The following ARHGAP6 variants were observed in gnomAD, a reference collection of about 807,000 sequenced individuals.
ARHGAP6 encodes rho GTPase-activating protein 6.
ARHGAP6 carries 16 observed loss-of-function variants against 55.7 expected under a neutral mutation model. The observed-to-expected ratio is 0.29, with a 90% CI of 0.19 to 0.44. ARHGAP6 has a LOEUF of 0.44. Ranked by LOEUF, ARHGAP6 falls within the 20% of genes least tolerant of loss-of-function variation. The pLI, the probability that ARHGAP6 is intolerant of heterozygous loss-of-function variation, is 1.00. For missense variants in ARHGAP6, 698 were observed against 808.9 expected (o/e 0.86, Z 1.66); for synonymous variants, 382 against 360.9 (o/e 1.06, Z -0.66).
chrX:11,332,294 C>T (rs1603087678), intron 1 of ARHGAP6, among the ~76,000 whole-genome samples: 1 of 111,981 alleles, frequency 8.9e-6, no homozygotes, highest in East Asian at 2.8e-4. Context: ...GTCTGGCTTG[C>T]TCTGGTATTT....
chrX:11,186,208 AG>A, intron 5 of ARHGAP6, 27 bp downstream of exon 5: 1 of 1,171,974 alleles, frequency 8.5e-7, no homozygotes, highest in Non-Finnish European at 1.2e-6. Flanking sequence ...GAAAGTCCTT[AG>A]TACTTTAGAC....
At chrX:11,224,706 CT>C (rs1343077492) in intron 2 of ARHGAP6, among the ~76,000 whole-genome samples, 10 of 109,878 alleles carry the variant, frequency 9.1e-5, no homozygotes, top group African/African-American at 2.3e-4. Context: ...TCAGCTGGGA[CT>C]GAGTTACCGG....
At chrX:11,304,777 C>CT (rs953912280) in intron 1 of ARHGAP6, among the ~76,000 whole-genome samples, 957 of 50,249 alleles carry the variant, frequency 0.019, 230 homozygotes, top group African/African-American at 0.06. Flanking sequence ...CTTTCTTTTA[C>CT]TTTTTTTTTT....
rs753190565 is a variant in ARHGAP6 at position 11,257,630 on chromosome X, T to A, written c.589-2923A>T. Among the ~76,000 whole-genome samples the A allele has an allele frequency of 4.5e-5, 5 of 112,241 alleles. No homozygotes were observed. The South Asian group carries it at 1.9e-3, about 42-fold the overall frequency. ...TCCTGGTTAATTAATTCAAACAATA[T>A]TTAATAAGCACAGATGAGATGCTAA... On this transcript the variant is annotated intron_variant, in intron 1 of 12. Transcript: ENST00000337414.
intron 1 of ARHGAP6, among the ~76,000 whole-genome samples, chrX:11,615,075 G>A (rs2052147540): frequency 9.0e-6 from 1 of 110,879 alleles, no homozygotes; most frequent in Non-Finnish European, 1.9e-5. Context: ...ATTGGCCTTT[G>A]CAAAAGGGGA....
chrX:11,520,135 A>T (rs1286360389), intron 1 of ARHGAP6, among the ~76,000 whole-genome samples: 5 of 34,977 alleles, frequency 1.4e-4, no homozygotes, highest in African/African-American at 5.9e-4. Context: ...TTGATTTTAT[A>T]TATATATATA....
At chrX:11,214,656 C>T (rs2046853189) in intron 2 of ARHGAP6, among the ~76,000 whole-genome samples, 1 of 113,501 alleles carries the variant, frequency 8.8e-6, no homozygotes, top group Non-Finnish European at 1.9e-5. Flanking sequence ...CCACAGCTAC[C>T]ATGGGTGGTC....
At chrX:11,335,833 C>T in intron 1 of ARHGAP6, 2 of 242,586 alleles carry the variant, frequency 8.2e-6, no homozygotes, top group South Asian at 1.1e-4. Context: ...TGGCAGAGGC[C>T]ATGGTGGGGA....
At chrX:11,455,730 A>G (rs1162246456) in intron 1 of ARHGAP6, among the ~76,000 whole-genome samples, 3 of 111,384 alleles carry the variant, frequency 2.7e-5, no homozygotes, top group Non-Finnish European at 5.7e-5. Context: ...TGATTTTAGG[A>G]GGCACAGTGT....
chrX:11,466,270 T>C (rs2050292208), intron 1 of ARHGAP6, among the ~76,000 whole-genome samples: 1 of 111,588 alleles, frequency 9.0e-6, no homozygotes, highest in Non-Finnish European at 1.9e-5. Context: ...TGTGCATGAA[T>C]CACTCAAAAT....
At chrX:11,340,580 T>G (rs1468994482) in intron 1 of ARHGAP6, among the ~76,000 whole-genome samples, 1 of 109,255 alleles carries the variant, frequency 9.2e-6, no homozygotes, top group Non-Finnish European at 1.9e-5. Context: ...ATATAAAAAA[T>G]TAGCCGGGCG....
chrX:11,280,745 CAAAA>C (rs59290872), intron 1 of ARHGAP6, among the ~76,000 whole-genome samples: 2 of 53,040 alleles, frequency 3.8e-5, no homozygotes, highest in Admixed American at 2.6e-4. Flanking sequence ...GACCTTGTCT[CAAAA>C]AAAAAAAAAA....
intron 9 of ARHGAP6, among the ~76,000 whole-genome samples, chrX:11,163,190 G>A (rs5934970): frequency 0.036 from 4,063 of 111,658 alleles, 68 homozygotes; most frequent in Middle Eastern, 0.074. Context: ...GCATAATGCT[G>A]TTCCAAAAAT....
intron 10 of ARHGAP6, among the ~76,000 whole-genome samples, chrX:11,149,785 C>G (rs776024717): frequency 1.8e-5 from 2 of 111,590 alleles, no homozygotes; most frequent in East Asian, 5.6e-4. Context: ...CTAATGCTCC[C>G]CCAGAATGAA....
intron 1 of ARHGAP6, among the ~76,000 whole-genome samples, chrX:11,349,217 T>A (rs2048826325): frequency 9.0e-6 from 1 of 111,465 alleles, no homozygotes; most frequent in African/African-American, 3.3e-5. Flanking sequence ...TGGCATTTTT[T>A]GCTGAATTGA....
intron 3 of ARHGAP6, 25 bp from the exon 4 acceptor site, chrX:11,189,009 CT>C: frequency 2.5e-6 from 3 of 1,198,701 alleles, no homozygotes; most frequent in Non-Finnish European, 3.4e-6. Flanking sequence ...CAGACATTCA[CT>C]TTCAGAGACT....
At chrX:11,463,596 C>T (rs965213734) in intron 1 of ARHGAP6, among the ~76,000 whole-genome samples, 4 of 111,941 alleles carry the variant, frequency 3.6e-5, no homozygotes, top group African/African-American at 1.3e-4. Context: ...TTGCCTTGGC[C>T]TCTCAAAGTG....
chrX:11,421,339 G>A (rs1304065835), intron 1 of ARHGAP6, among the ~76,000 whole-genome samples: 1 of 112,144 alleles, frequency 8.9e-6, no homozygotes, highest in Non-Finnish European at 1.9e-5. Flanking sequence ...TCCTTGTTGG[G>A]TTGTGTTGTG....
At chrX:11,614,128 T>C (rs1378831300) in intron 1 of ARHGAP6, among the ~76,000 whole-genome samples, 2 of 110,867 alleles carry the variant, frequency 1.8e-5, no homozygotes, top group Non-Finnish European at 3.8e-5. Context: ...ACCCCAACTC[T>C]ATCCTCAAGG....
Sources: gnomAD v4.1 joint callset for allele counts (sites outside exome capture counted in the v4.1 genomes callset) on GRCh38, gnomAD v4.1.1 for gene constraint, MANE v1.5 for transcripts, NCBI Gene and HGNC (gene_info 2026-07-23, HGNC 2026-07-21) for gene names.